The following SLC41A2 variants were observed in gnomAD, a reference collection of about 807,000 sequenced individuals.
SLC41A2 encodes the protein SLC41A1-like 1.
Under a neutral mutation model 58.3 loss-of-function variants are expected in SLC41A2, and 32 were observed. The observed-to-expected ratio is 0.55, with a 90% confidence interval of 0.41 to 0.74. The LOEUF is 0.74. Ranked by LOEUF, SLC41A2 falls within the 30% of genes least tolerant of loss-of-function variation. The pLI is 0.00. For synonymous variants in SLC41A2, 190 were observed against 235.0 expected (o/e 0.81, Z 1.75); for missense variants, 514 against 680.6 (o/e 0.76, Z 2.72).
At chr12:104,955,155 A>G (rs906802258) in intron 1 of SLC41A2, among the ~76,000 whole-genome samples, 2 of 150,896 alleles carry the variant, frequency 1.3e-5, no homozygotes, top group Non-Finnish European at 2.9e-5. Flanking sequence ...AGCTGGGATT[A>G]CAGGTGCCCG....
intron 1 of SLC41A2, among the ~76,000 whole-genome samples, chr12:104,932,624 C>CAAAAAAAAAAAAAAAAAAAA (rs544329617): frequency 4.3e-5 from 2 of 46,060 alleles, no homozygotes; most frequent in Non-Finnish European, 4.2e-5. Flanking sequence ...GACTTTGTCT[C>CAAAAAAAAAAAAAAAAAAAA]AAAAAAAAAA....
chr12:104,906,433 T>C (rs1367922349), intron 3 of SLC41A2, among the ~76,000 whole-genome samples: 1 of 152,086 alleles, frequency 6.6e-6, no homozygotes, highest in Non-Finnish European at 1.5e-5. Flanking sequence ...CAAAATGCAG[T>C]ACCTATTACC....
rs114785512 is a variant in SLC41A2 at position 104,922,128 on chromosome 12, G to T, written c.555+5845C>A. Reference sequence around the variant, plus strand: ...TAAGAAAGGAAGAGTTACAAAACAGGCAGAAAATAAGCAACAAAATGTCAA... The same window carrying T: ...TAAGAAAGGAAGAGTTACAAAACAGTCAGAAAATAAGCAACAAAATGTCAA... On this transcript the variant is annotated intron_variant, in intron 2 of 10. Transcript: ENST00000258538. Among the ~76,000 whole-genome samples, 1,093 of 152,072 alleles carry T rather than the reference G, an allele frequency of 7.2e-3. 18 individuals are homozygous for T. Among genetic ancestry groups the T allele is most frequent in the African/African-American group, 0.025 (1,024 of 41,482 alleles).
intron 2 of SLC41A2, among the ~76,000 whole-genome samples, chr12:104,925,905 T>C (rs1455109617): frequency 1.3e-5 from 2 of 152,226 alleles, no homozygotes; most frequent in Admixed American, 6.5e-5. Flanking sequence ...GATACTACTA[T>C]AAGAACCTAA....
At chr12:104,847,176 ATG>A (rs1308037982) in intron 8 of SLC41A2, among the ~76,000 whole-genome samples, 1 of 152,284 alleles carries the variant, frequency 6.6e-6, no homozygotes, top group East Asian at 1.9e-4. Context: ...AAGTAAAAAT[ATG>A]GGAAAAGATA....
At chr12:104,881,085 T>G (rs2044343563) in intron 6 of SLC41A2, among the ~76,000 whole-genome samples, 1 of 152,194 alleles carries the variant, frequency 6.6e-6, no homozygotes, top group Non-Finnish European at 1.5e-5. Context: ...TCTTCTAGAT[T>G]TTCTAGTTTA....
At chr12:104,927,947 A>T in intron 2 of SLC41A2, 26 bp downstream of exon 2, 1 of 1,519,652 alleles carries the variant, frequency 6.6e-7, no homozygotes, top group Non-Finnish European at 8.8e-7. Flanking sequence ...AAAAGACAGT[A>T]AAGTTAAATA....
At chr12:104,848,864 A>G (rs571890720) in intron 8 of SLC41A2, among the ~76,000 whole-genome samples, 14 of 152,022 alleles carry the variant, frequency 9.2e-5, no homozygotes, top group Admixed American at 2.0e-4. Context: ...TTAGCAAACC[A>G]GGAATCAAGT....
At chr12:104,821,022 TAAC>T (rs1349105910) in intron 10 of SLC41A2, among the ~76,000 whole-genome samples, 1 of 152,228 alleles carries the variant, frequency 6.6e-6, no homozygotes, top group Non-Finnish European at 1.5e-5. Flanking sequence ...GTGAGTATAA[TAAC>T]AATCTTCTAT....
chr12:104,892,459 T>A (rs1466320067), intron 4 of SLC41A2, among the ~76,000 whole-genome samples: 2 of 151,684 alleles, frequency 1.3e-5, no homozygotes, highest in East Asian at 3.9e-4. Flanking sequence ...TTCAATGTAA[T>A]CCCTATCAAA....
intron 10 of SLC41A2, among the ~76,000 whole-genome samples, chr12:104,839,996 T>C (rs111481497): frequency 1.3e-5 from 2 of 152,222 alleles, no homozygotes; most frequent in East Asian, 3.8e-4. Context: ...CTTTGCTCAA[T>C]AGATTGTCAG....
chr12:104,811,695 T>C (rs1234573792), intron 10 of SLC41A2, among the ~76,000 whole-genome samples: 1 of 152,246 alleles, frequency 6.6e-6, no homozygotes, highest in Non-Finnish European at 1.5e-5. Flanking sequence ...TTATATTTCA[T>C]AATTTTAAAA....
chr12:104,954,213 C>T (rs1185226758), intron 1 of SLC41A2, among the ~76,000 whole-genome samples: 1 of 152,194 alleles, frequency 6.6e-6, no homozygotes, highest in Non-Finnish European at 1.5e-5. Flanking sequence ...ACTCCCACTT[C>T]CTTAGTGTAG....
intron 10 of SLC41A2, among the ~76,000 whole-genome samples, chr12:104,838,694 A>T (rs1001630607): frequency 6.6e-6 from 1 of 152,220 alleles, no homozygotes; most frequent in Non-Finnish European, 1.5e-5. Context: ...AGTGAAAGTT[A>T]GGCATAGGCA....
intron 10 of SLC41A2, among the ~76,000 whole-genome samples, chr12:104,833,708 A>C (rs2042115585): frequency 6.6e-6 from 1 of 152,180 alleles, no homozygotes; most frequent in Non-Finnish European, 1.5e-5. Context: ...CAAATTAAAA[A>C]GTGGTATTGT....
intron 1 of SLC41A2, among the ~76,000 whole-genome samples, chr12:104,929,238 C>G (rs998188458): frequency 6.6e-6 from 1 of 152,102 alleles, no homozygotes; most frequent in Non-Finnish European, 1.5e-5. Context: ...ATCCTGAATA[C>G]TATATAGGGC....
chr12:104,865,324 T>A (rs2043389272), intron 7 of SLC41A2, among the ~76,000 whole-genome samples: 1 of 152,188 alleles, frequency 6.6e-6, no homozygotes, highest in Admixed American at 6.5e-5. Context: ...TTTCTGAATC[T>A]AGAACCTCTC....
intron 8 of SLC41A2, among the ~76,000 whole-genome samples, chr12:104,846,583 G>C (rs758630097): frequency 6.6e-6 from 1 of 152,224 alleles, no homozygotes; most frequent in African/African-American, 2.4e-5. Context: ...TAACTGATGA[G>C]TGTAGGACTG....
intron 4 of SLC41A2, among the ~76,000 whole-genome samples, chr12:104,893,262 A>T (rs2045107222): frequency 6.6e-6 from 1 of 152,246 alleles, no homozygotes; most frequent in Non-Finnish European, 1.5e-5. Flanking sequence ...GGTGCTCAAC[A>T]TCACTGATCA....
Sources: gnomAD v4.1 joint callset for allele counts (sites outside exome capture counted in the v4.1 genomes callset) on GRCh38, gnomAD v4.1.1 for gene constraint, MANE v1.5 for transcripts, NCBI Gene and HGNC (gene_info 2026-07-23, HGNC 2026-07-21) for gene names.